HIVEP3: variants seen among roughly 807,000 people sequenced by gnomAD.
HIVEP3 encodes HIVEP zinc finger 3, also known as transcription factor HIVEP3.
Under a neutral mutation model 152.8 loss-of-function variants are expected in HIVEP3, and 49 were observed. The ratio of observed to expected loss-of-function variants is 0.32; its 90% CI spans 0.26 to 0.41. HIVEP3 has a LOEUF of 0.41. Among genes scored for constraint, HIVEP3 ranks in the 10% least tolerant of loss-of-function variants. HIVEP3 has a pLI of 1.00. For synonymous variants in HIVEP3, 1,269 were observed against 1,289.0 expected, an observed-to-expected ratio of 0.98 and a Z score of 0.33; for missense variants, 2,790 against 3,103.3, an observed-to-expected ratio of 0.90 and a Z score of 2.40.
At chr1:41,571,186 C>T (rs186770608) in intron 5 of HIVEP3, among the ~76,000 whole-genome samples, 55 of 152,304 alleles carry the variant, frequency 3.6e-4, no homozygotes, top group Admixed American at 2.8e-3. Context: ...TAACACACCA[C>T]CCAACTGGGC....
At chr1:41,735,681 A>G (rs1049513909) in intron 1 of HIVEP3, among the ~76,000 whole-genome samples, 11 of 152,134 alleles carry the variant, frequency 7.2e-5, no homozygotes, top group Admixed American at 7.2e-4. Context: ...TTGCTGGGGA[A>G]TTAAACCCTG....
intron 1 of HIVEP3, among the ~76,000 whole-genome samples, chr1:41,727,793 G>A (rs1646779839): frequency 6.6e-6 from 1 of 152,220 alleles, no homozygotes; most frequent in East Asian, 1.9e-4. Context: ...TGGAGTCGTA[G>A]TCAGCTACTT....
chr1:41,527,286 CAT>C (rs1443293863), intron 5 of HIVEP3, among the ~76,000 whole-genome samples: 41 of 79,654 alleles, frequency 5.1e-4, no homozygotes, highest in South Asian at 7.7e-4. Context: ...CACACCCTCA[CAT>C]ACACCCTCAC....
At chr1:41,973,577 G>C (rs1029866749) in intron 1 of HIVEP3, among the ~76,000 whole-genome samples, 2 of 152,222 alleles carry the variant, frequency 1.3e-5, no homozygotes, top group Non-Finnish European at 2.9e-5. Context: ...AGACAGAGAG[G>C]CTGCTGGCAA....
intron 1 of HIVEP3, among the ~76,000 whole-genome samples, chr1:41,861,338 A>G (rs1643885539): frequency 1.3e-5 from 2 of 152,230 alleles, no homozygotes; most frequent in African/African-American, 4.8e-5. Context: ...AGAAAAACCT[A>G]GTTGCTCTAC....
intron 1 of HIVEP3, among the ~76,000 whole-genome samples, chr1:42,027,373 C>T (rs902036289): frequency 1.3e-5 from 2 of 152,198 alleles, no homozygotes; most frequent in African/African-American, 4.8e-5. Context: ...AGCTGCCCTA[C>T]AATCTGTTCT....
intron 7 of HIVEP3, 112 bp from the exon 8 acceptor site, chr1:41,513,862 C>G (rs1476631192): frequency 8.4e-6 from 7 of 830,722 alleles, no homozygotes; most frequent in Non-Finnish European, 1.2e-5. Flanking sequence ...GGCAAAATAG[C>G]CATCGCAAGG....
In HIVEP3 at chr1:41,537,202, T is replaced by C. The variant is rs1037686944; in HGVS notation, c.5208-12292A>G. Among the ~76,000 whole-genome samples the C allele has an allele frequency of 5.3e-5, 8 of 152,138 alleles. 1 individual carries two copies. In the Middle Eastern group the frequency reaches 0.01, roughly 194 times the overall value. On this transcript the variant is annotated intron_variant, in intron 5 of 8. Coordinates refer to ENST00000372583, the MANE Select transcript of HIVEP3 (RefSeq NM_024503.5). ...TGAGATTCTATGTATTAAGCTATTC[T>C]GCATTTATATTATGACTTTTCCACC... is the stretch of plus-strand genomic sequence containing the variant.
rs3738577 is a variant in HIVEP3, at chr1:41,507,678, G to A, written c.*2773C>T. 0.099 allele frequency: 15,042 copies of A among 152,434 alleles called. 987 individuals are homozygous for A. The highest frequency in any genetic ancestry group is 0.19 in the African/African-American group (7,747 of 41,562). 9.4% of individuals were successfully genotyped at this position (152,434 alleles called of 1,614,324 possible). ...TCACAGGCAAACAGGAAGCTTGGAAGTGACTGGGAGCAGGGCAGAAGGCCC... is the reference window on the plus strand; with the variant it reads ...TCACAGGCAAACAGGAAGCTTGGAAATGACTGGGAGCAGGGCAGAAGGCCC... On this transcript the variant is annotated 3_prime_UTR_variant, in exon 9 of 9. Transcript: ENST00000372583.
intron 1 of HIVEP3, among the ~76,000 whole-genome samples, chr1:41,965,473 A>C (rs952591911): frequency 1.3e-5 from 2 of 152,252 alleles, no homozygotes; most frequent in African/African-American, 4.8e-5. Flanking sequence ...AAAGAAGCTA[A>C]GAAGCATGAT....
rs539841489 is a variant in HIVEP3, at chr1:41,870,258, G to T, written c.-801+48155C>A. 5.3e-5 allele frequency among the ~76,000 whole-genome samples: 8 copies of T among 152,134 alleles called. No individual in the cohort carries two copies. In the South Asian group the frequency reaches 1.7e-3, roughly 32 times the overall value. Reference sequence around the variant, plus strand: ...TCACTTCCCCAAAAAAAGCCCCCCAGCACTAGATTGGGTGACTCATTCACT... The same window carrying T: ...TCACTTCCCCAAAAAAAGCCCCCCATCACTAGATTGGGTGACTCATTCACT... On this transcript the variant is annotated intron_variant, in intron 1 of 8. Coordinates refer to ENST00000372583, the MANE Select transcript of HIVEP3 (RefSeq NM_024503.5).
intron 2 of HIVEP3, among the ~76,000 whole-genome samples, chr1:41,680,233 A>G (rs1452983716): frequency 6.6e-6 from 1 of 152,236 alleles, no homozygotes; most frequent in Admixed American, 6.5e-5. Flanking sequence ...TCTCAGGCCA[A>G]GCAGCTGAGA....
At chr1:42,005,421 T>C (rs1240333902) in intron 1 of HIVEP3, among the ~76,000 whole-genome samples, 2 of 152,142 alleles carry the variant, frequency 1.3e-5, no homozygotes, top group African/African-American at 4.8e-5. Context: ...TATGTGTATA[T>C]ATATATGTCT....
chr1:41,523,377 G>T (rs1157898699), intron 6 of HIVEP3, among the ~76,000 whole-genome samples: 1 of 152,154 alleles, frequency 6.6e-6, no homozygotes, highest in Non-Finnish European at 1.5e-5. Context: ...AGAAGAGGAT[G>T]GGGGAAAGGC....
chr1:41,989,256 G>C (rs1354190750), intron 1 of HIVEP3, among the ~76,000 whole-genome samples: 1 of 151,858 alleles, frequency 6.6e-6, no homozygotes, highest in Non-Finnish European at 1.5e-5. Flanking sequence ...TGTGTTAATG[G>C]GTATGTTAAT....
Position 41,582,260 on chromosome 1 carries a change from C to T in HIVEP3, c.2538G>A (p.Lys846=). 3.7e-6 allele frequency: 6 copies of T among 1,613,894 alleles called. No homozygotes were observed. Among genetic ancestry groups the T allele is most frequent in the Non-Finnish European group, 5.1e-6 (6 of 1,179,880 alleles). ...CCTGAATGTTGGGCTGGCGGACCAA[C>T]TTAGGCTGCAGGGAGTGAGCAGAGC... ...HGRSAHSLQP[K]LVRQPNIQVP... is the part of the protein sequence containing the mutation. Residue 846 remains lysine, a synonymous_variant, in exon 4 of 9, where the codon AAG becomes AAA. Coordinates refer to ENST00000372583, the MANE Select transcript of HIVEP3 (RefSeq NM_024503.5). This position sits in a 1 kb window ranked among gnomAD's most constrained non-coding sequence, Gnocchi z 4.7.
chr1:41,961,024 G>T (rs184892874), intron 1 of HIVEP3, among the ~76,000 whole-genome samples: 1 of 152,312 alleles, frequency 6.6e-6, no homozygotes, highest in Admixed American at 6.5e-5. Flanking sequence ...ACAGAGATTA[G>T]TAGAAATGAT....
chr1:41,883,400 TC>T (rs1357427967), intron 1 of HIVEP3, among the ~76,000 whole-genome samples: 1 of 151,930 alleles, frequency 6.6e-6, no homozygotes, highest in African/African-American at 2.4e-5. Flanking sequence ...CCACCACCCT[TC>T]CCCTAAGCAG....
At chr1:41,570,746 A>C (rs546393961) in intron 5 of HIVEP3, among the ~76,000 whole-genome samples, 1 of 152,296 alleles carries the variant, frequency 6.6e-6, no homozygotes, top group Non-Finnish European at 1.5e-5. Context: ...GTGAGAACTG[A>C]CTACTGACTT....
Sources: gnomAD v4.1 joint callset for allele counts (sites outside exome capture counted in the v4.1 genomes callset) on GRCh38, gnomAD v4.1.1 for gene constraint, Gnocchi (gnomAD v3.1) non-coding constraint, MANE v1.5 for transcripts, NCBI Gene and HGNC (gene_info 2026-07-23, HGNC 2026-07-21) for gene names.